Variants in ERCC6L2 observed in about 807,000 individuals in gnomAD.
The protein encoded by ERCC6L2 is DNA excision repair protein ERCC-6-like 2.
A neutral mutation model predicts 132.0 loss-of-function variants in ERCC6L2; 77 were observed. The ratio of observed to expected loss-of-function variants is 0.58; its 90% confidence interval spans 0.49 to 0.71. The LOEUF (loss-of-function observed/expected upper bound fraction) is 0.71. Among genes scored for constraint, ERCC6L2 ranks in the 30% least tolerant of loss-of-function variants. The pLI is 0.00. For missense variants in ERCC6L2, 1,542 were observed against 1,837.6 expected (o/e 0.84, Z 2.94); for synonymous variants, 583 against 632.4 (o/e 0.92, Z 1.17).
intron 14 of ERCC6L2, among the ~76,000 whole-genome samples, chr9:95,969,162 G>A (rs1832297315): frequency 6.6e-6 from 1 of 152,160 alleles, no homozygotes; most frequent in Admixed American, 6.5e-5. Context: ...GTCAGCAAGA[G>A]AGCAAGAGAT....
At chr9:96,020,726 G>A, downstream of ERCC6L2, 2 of 455,434 alleles carry the variant, frequency 4.4e-6, no homozygotes, top group South Asian at 3.1e-5. Context: ...CATGCTTTGC[G>A]CTGGAGTCCT....
chr9:96,005,019 G>A (rs1025356373), intron 18 of ERCC6L2, among the ~76,000 whole-genome samples: 9 of 152,310 alleles, frequency 5.9e-5, no homozygotes, highest in African/African-American at 1.9e-4. Flanking sequence ...AATATGCAGT[G>A]TAAAAAAAGG....
At chr9:95,913,469 G>GCTTTCTCT (rs546268860) in intron 4 of ERCC6L2, among the ~76,000 whole-genome samples, 15 of 149,316 alleles carry the variant, frequency 1.0e-4, no homozygotes, top group Non-Finnish European at 9.0e-5. Flanking sequence ...CCGCTTGCTT[G>GCTTTCTCT]CTTTCTCTCT....
At chr9:96,020,952 G>A, downstream of ERCC6L2, 1 of 456,740 alleles carries the variant, frequency 2.2e-6, no homozygotes, top group Non-Finnish European at 4.4e-6. Context: ...GCCGGGGAGC[G>A]GGGAGAGGGC....
intron 12 of ERCC6L2, among the ~76,000 whole-genome samples, chr9:95,943,630 A>C (rs1032362861): frequency 2.0e-5 from 3 of 152,204 alleles, no homozygotes; most frequent in Admixed American, 6.5e-5. Flanking sequence ...AATATCTAGA[A>C]TATAAAAAGA....
chr9:96,040,271 G>A (rs1163500730), intron 20 of ERCC6L2, among the ~76,000 whole-genome samples: 1 of 151,922 alleles, frequency 6.6e-6, no homozygotes, highest in African/African-American at 2.4e-5. Context: ...TGGGCGTCAC[G>A]TCCTCCCTGG....
chr9:96,003,257 G>A (rs1464627915), intron 17 of ERCC6L2, among the ~76,000 whole-genome samples: 2 of 151,894 alleles, frequency 1.3e-5, no homozygotes, highest in Admixed American at 6.6e-5. Context: ...TGTTTTCATT[G>A]GAATCAAAAG....
chr9:95,977,538 T>C (rs965519285), intron 16 of ERCC6L2, among the ~76,000 whole-genome samples: 1 of 152,154 alleles, frequency 6.6e-6, no homozygotes, highest in East Asian at 1.9e-4. Flanking sequence ...ATTTTTTTCA[T>C]TTCCTAAAAA....
chr9:95,883,610 C>T (rs930493341), intron 2 of ERCC6L2, among the ~76,000 whole-genome samples: 1 of 152,206 alleles, frequency 6.6e-6, no homozygotes, highest in Non-Finnish European at 1.5e-5. Flanking sequence ...CCTGTAATCC[C>T]AGCACTTTGG....
chr9:95,880,870 C>A lies in ERCC6L2; in HGVS notation c.48C>A (p.Asp16Glu). The A allele has an allele frequency of 6.2e-7, 1 of 1,603,260 alleles. No individual in the cohort carries two copies. Among genetic ancestry groups the A allele is most frequent in the Non-Finnish European group, 8.5e-7 (1 of 1,175,412 alleles). Residue 16 changes from aspartate to glutamate, a missense_variant and splice_region_variant, in exon 2 of 19, where the codon GAC becomes GAA. By Grantham distance (45) the Asp-to-Glu change is conservative. Around this residue, in one of 4 missense-constraint regions of ERCC6L2, gnomAD observed 153 missense variants for 132.3 expected, o/e 1.16. Coordinates refer to ENST00000653738, the MANE Select transcript of ERCC6L2 (RefSeq NM_020207.7). ...ACTTTATTTTCTTTATTCTTGCAGA[C>A]ATATGGCATCCAGGAGAAAGATGTC... ...PQPRAETSGK[D>E]IWHPGERCLA... is the part of the protein sequence containing the mutation.
intron 13 of ERCC6L2, among the ~76,000 whole-genome samples, chr9:95,963,433 A>G (rs1490886723): frequency 1.3e-5 from 2 of 152,036 alleles, no homozygotes; most frequent in African/African-American, 4.8e-5. Context: ...ATTTCCCCAA[A>G]AGAAGTACAC....
chr9:95,913,799 G>A (rs1159796428), intron 4 of ERCC6L2, among the ~76,000 whole-genome samples: 1 of 152,128 alleles, frequency 6.6e-6, no homozygotes, highest in Non-Finnish European at 1.5e-5. Flanking sequence ...TTAACATAAT[G>A]TTTTTGAAGT....
chr9:95,950,624 G>T (rs1458789429), intron 12 of ERCC6L2, among the ~76,000 whole-genome samples: 4 of 152,104 alleles, frequency 2.6e-5, no homozygotes, highest in Non-Finnish European at 5.9e-5. Context: ...AATATACACA[G>T]GTTGAAAATA....
At chr9:96,027,783 T>C (rs1030366128) in intron 19 of ERCC6L2, 1 of 152,330 alleles carries the variant, frequency 6.6e-6, no homozygotes, top group African/African-American at 2.4e-5. Context: ...CCGCGCCGCC[T>C]TGCCGAGACC....
chr9:95,910,661 T>TA (rs1803384337), intron 4 of ERCC6L2, among the ~76,000 whole-genome samples: 1 of 152,208 alleles, frequency 6.6e-6, no homozygotes, highest in Non-Finnish European at 1.5e-5. Context: ...CTTATTTGGG[T>TA]ATTTAGACCA....
chr9:95,991,556 A>G (rs1833303459), intron 17 of ERCC6L2, among the ~76,000 whole-genome samples: 1 of 152,222 alleles, frequency 6.6e-6, no homozygotes, highest in Non-Finnish European at 1.5e-5. Flanking sequence ...CCCCAAAAAA[A>G]TGAACCTAGT....
intron 1 of ERCC6L2, 117 bp downstream of exon 1, chr9:95,876,201 G>A: frequency 1.1e-6 from 1 of 934,084 alleles, no homozygotes; most frequent in Non-Finnish European, 1.6e-6. Flanking sequence ...TTCAGTGACA[G>A]CTGCAGATTG....
chr9:95,897,007 T>G (rs1659991536), intron 2 of ERCC6L2, among the ~76,000 whole-genome samples: 1 of 152,074 alleles, frequency 6.6e-6, no homozygotes, highest in Non-Finnish European at 1.5e-5. Context: ...TTAAGTATAC[T>G]TTTTTCTATA....
intron 1 of ERCC6L2, among the ~76,000 whole-genome samples, chr9:95,879,991 C>T (rs1023116163): frequency 6.6e-6 from 1 of 152,090 alleles, no homozygotes; most frequent in Non-Finnish European, 1.5e-5. Flanking sequence ...TTTAATTGTA[C>T]CAATAGTATA....
Sources: allele counts gnomAD v4.1 joint callset (sites outside exome capture counted in the v4.1 genomes callset), GRCh38; gene constraint gnomAD v4.1.1; regional missense constraint gnomAD v4.1.1; transcripts MANE v1.5; gene names NCBI Gene and HGNC (gene_info 2026-07-23, HGNC 2026-07-21).